Variants in YAF2 observed in about 807,000 individuals in gnomAD.
The protein encoded by YAF2 is YY1-associated factor 2.
YAF2 carries 7 observed loss-of-function variants against 20.1 expected under a neutral mutation model. The observed-to-expected ratio is 0.35, with a 90% CI of 0.20 to 0.65. The LOEUF is 0.65. Among genes scored for constraint, YAF2 ranks in the 30% least tolerant of loss-of-function variants. The pLI, the probability that YAF2 is intolerant of heterozygous loss-of-function variation, is 0.69. For synonymous variants in YAF2, 74 were observed against 76.0 expected (o/e 0.97, Z 0.14); for missense variants, 151 against 219.2 (o/e 0.69, Z 1.96).
chr12:42,222,283 T>C (rs2067539865), intron 2 of YAF2, among the ~76,000 whole-genome samples: 1 of 152,198 alleles, frequency 6.6e-6, no homozygotes, highest in South Asian at 2.1e-4. Flanking sequence ...TTCCACAGAA[T>C]GTTAAACTTT....
At chr12:42,169,728 C>T (rs1472603598) in intron 2 of YAF2, among the ~76,000 whole-genome samples, 4 of 151,834 alleles carry the variant, frequency 2.6e-5, no homozygotes, top group Non-Finnish European at 5.9e-5. Context: ...CTTCTCTTTT[C>T]ATGTTGAATA....
chr12:42,184,606 G>A (rs759612664), intron 2 of YAF2, among the ~76,000 whole-genome samples: 2 of 152,124 alleles, frequency 1.3e-5, no homozygotes, highest in Non-Finnish European at 2.9e-5. Context: ...CACCACGCCC[G>A]ACCCTCAAGT....
intron 2 of YAF2, among the ~76,000 whole-genome samples, chr12:42,168,944 A>G (rs2065977841): frequency 6.6e-6 from 1 of 152,214 alleles, no homozygotes; most frequent in Non-Finnish European, 1.5e-5. Context: ...CCCTCCCATC[A>G]TAAGAACACT....
At chr12:42,204,829 A>G (rs1463927826) in intron 2 of YAF2, among the ~76,000 whole-genome samples, 3 of 152,188 alleles carry the variant, frequency 2.0e-5, no homozygotes, top group African/African-American at 7.2e-5. Flanking sequence ...CCCAAAACAC[A>G]TGTTGTATAA....
At chr12:42,232,408 A>C in intron 2 of YAF2, 1 of 985,294 alleles carries the variant, frequency 1.0e-6, no homozygotes, top group Non-Finnish European at 1.2e-6. Flanking sequence ...TACACTTTGA[A>C]AACCACTCTG....
rs80307050 is a variant in YAF2, at chr12:42,178,382, G to A, written c.153-16617C>T. On this transcript the variant is annotated intron_variant, in intron 2 of 3. Transcript: ENST00000534854. ...GGCTGCTCCTATTGTGCAGTCAATG[G>A]CCTATAAAACAAGATCAAATCAGGA... Among the ~76,000 whole-genome samples the A allele has an allele frequency of 5.6e-3, 855 of 152,076 alleles. 6 individuals carry two copies. Among genetic ancestry groups the A allele is most frequent in the African/African-American group, 0.02 (812 of 41,480 alleles).
intron 2 of YAF2, among the ~76,000 whole-genome samples, chr12:42,199,922 T>G (rs1333238315): frequency 6.6e-6 from 1 of 152,210 alleles, no homozygotes; most frequent in Admixed American, 6.5e-5. Flanking sequence ...TATACAGTGT[T>G]CTCAGTCAAA....
At chr12:42,236,289 G>A (rs1007356070) in intron 2 of YAF2, among the ~76,000 whole-genome samples, 2 of 151,992 alleles carry the variant, frequency 1.3e-5, no homozygotes, top group African/African-American at 4.8e-5. Flanking sequence ...ACAAATCACG[G>A]GTCCAAAAAT....
intron 2 of YAF2, among the ~76,000 whole-genome samples, chr12:42,205,432 G>T (rs2137188705): frequency 6.6e-6 from 1 of 150,666 alleles, no homozygotes; most frequent in South Asian, 2.1e-4. Flanking sequence ...CTGGAGTGCA[G>T]TGGCACAATC....
intron 2 of YAF2, chr12:42,199,302 T>G: frequency 1.2e-6 from 1 of 858,790 alleles, no homozygotes; most frequent in Non-Finnish European, 1.6e-6. Context: ...TGACCAATAG[T>G]TTAAATCCAT....
intron 2 of YAF2, among the ~76,000 whole-genome samples, chr12:42,184,011 C>G (rs2066409923): frequency 6.6e-6 from 1 of 152,142 alleles, no homozygotes; most frequent in Non-Finnish European, 1.5e-5. Flanking sequence ...ATAAATGAAA[C>G]AACAAAGCCT....
intron 1 of YAF2, 127 bp from the exon 2 acceptor site, chr12:42,237,851 T>A (rs57579381): frequency 1.2e-6 from 1 of 850,886 alleles, no homozygotes; most frequent in African/African-American, 1.9e-5. Flanking sequence ...CCGCGGGCCC[T>A]CGGCGCGCCG....
At chr12:42,185,595 A>G (rs1211982996) in intron 2 of YAF2, among the ~76,000 whole-genome samples, 1 of 152,188 alleles carries the variant, frequency 6.6e-6, no homozygotes, top group Non-Finnish European at 1.5e-5. Context: ...TTCAACAATC[A>G]CCAACATGAT....
At chr12:42,225,756 T>C (rs890445234) in intron 2 of YAF2, among the ~76,000 whole-genome samples, 4 of 152,234 alleles carry the variant, frequency 2.6e-5, no homozygotes, top group Non-Finnish European at 5.9e-5. Flanking sequence ...TTGCTACCAG[T>C]ACCATACTGT....
chr12:42,209,416 T>A (rs1189866140), intron 2 of YAF2, among the ~76,000 whole-genome samples: 1 of 151,580 alleles, frequency 6.6e-6, no homozygotes, highest in Non-Finnish European at 1.5e-5. Context: ...ATAAAAAAAT[T>A]AGTCAAGCAT....
chr12:42,187,825 G>A (rs888337997), intron 2 of YAF2, among the ~76,000 whole-genome samples: 1 of 152,166 alleles, frequency 6.6e-6, no homozygotes, highest in African/African-American at 2.4e-5. Flanking sequence ...CCAGGACACT[G>A]CAGAAATTAC....
chr12:42,238,044 G>GC, intron 1 of YAF2, 111 bp downstream of exon 1: 1 of 930,540 alleles, frequency 1.1e-6, no homozygotes, highest in Non-Finnish European at 1.4e-6. Context: ...CAGCGGCGCT[G>GC]CCCCCGTGCT....
intron 2 of YAF2, among the ~76,000 whole-genome samples, chr12:42,177,307 C>T (rs1250901298): frequency 6.6e-6 from 1 of 152,164 alleles, no homozygotes; most frequent in African/African-American, 2.4e-5. Flanking sequence ...GTAGCTTAAA[C>T]AGCAGATATT....
intron 2 of YAF2, among the ~76,000 whole-genome samples, chr12:42,211,319 C>T (rs2067201156): frequency 6.8e-6 from 1 of 147,968 alleles, no homozygotes; most frequent in Admixed American, 7.0e-5. Flanking sequence ...CCCAGCTACT[C>T]GGGTGGCTGA....
Sources: allele counts gnomAD v4.1 joint callset (sites outside exome capture counted in the v4.1 genomes callset), GRCh38; gene constraint gnomAD v4.1.1; transcripts MANE v1.5; gene names NCBI Gene and HGNC (gene_info 2026-07-23, HGNC 2026-07-21).